LPO: variants seen among roughly 807,000 people sequenced by gnomAD.
LPO encodes lactoperoxidase.
LPO carries 70 observed loss-of-function variants against 68.4 expected under a neutral mutation model. That is an observed-to-expected ratio of 1.02 (90% CI 0.84 to 1.25). The LOEUF (loss-of-function observed/expected upper bound fraction) is 1.25, where lower values mean the gene tolerates loss of function less well. Ranked by LOEUF, LPO falls within the 50% of genes most tolerant of loss-of-function variation. LPO has a pLI of 0.00. For synonymous variants in LPO, 360 were observed against 357.6 expected, an observed-to-expected ratio of 1.01 and a Z score of -0.08; for missense variants, 873 against 908.4, an observed-to-expected ratio of 0.96 and a Z score of 0.50.
intron 9 of LPO, among the ~76,000 whole-genome samples, chr17:58,256,109 C>T (rs9894824): frequency 2.0e-5 from 3 of 152,078 alleles, no homozygotes; most frequent in African/African-American, 4.8e-5. Context: ...AACATGTATC[C>T]GAGATGGGCT....
At position 58,249,196 on chromosome 17, in the gene LPO, TG is replaced by T; in HGVS notation, c.443+24del. 6.3e-7 allele frequency: 1 copy of T among 1,597,100 alleles called. No individual in the cohort carries two copies. Among genetic ancestry groups the T allele is most frequent in the Non-Finnish European group, 8.6e-7 (1 of 1,167,524 alleles). On this transcript the variant is annotated intron_variant, in intron 5 of 12. Coordinates refer to ENST00000262290, the MANE Select transcript of LPO (RefSeq NM_006151.3). ...ATAACAGGTGGCGGGGCTTGGGGTG[TG>T]GGGGCCGACCATTCCAGCCACTCCG...
chr17:58,242,317 G>A (rs1969773386), intron 1 of LPO, among the ~76,000 whole-genome samples: 1 of 152,230 alleles, frequency 6.6e-6, no homozygotes, highest in South Asian at 2.1e-4. Flanking sequence ...GGGCACAGCT[G>A]TGGGCTCAGG....
rs1567820220 is a variant in LPO at position 58,254,851 on chromosome 17, C to T, written c.1146C>T (p.Ser382=). ...RASEHILLAT[S]HTLFLREHNR... Reference sequence around the variant, plus strand: ...CAGAGCATATTCTGCTGGCCACATCCCACACCCTCTTTCTCCGCGAGCATA... The same window carrying T: ...CAGAGCATATTCTGCTGGCCACATCTCACACCCTCTTTCTCCGCGAGCATA... The change falls in exon 9 of 13, where the codon TCC becomes TCT. Residue 382 remains serine, a synonymous_variant. Coordinates refer to ENST00000262290, the MANE Select transcript of LPO (RefSeq NM_006151.3). 2.5e-6 allele frequency: 4 copies of T among 1,613,946 alleles called. No individual in the cohort carries two copies. The highest frequency in any genetic ancestry group is 3.4e-6 in the Non-Finnish European group (4 of 1,180,008).
chr17:58,252,602 G>T, intron 8 of LPO, 96 bp downstream of exon 8: 2 of 1,226,216 alleles, frequency 1.6e-6, no homozygotes, highest in East Asian at 5.1e-5. Flanking sequence ...CTGGAAAAAT[G>T]CACACTGAGC....
intron 1 of LPO, among the ~76,000 whole-genome samples, chr17:58,240,359 T>C (rs192761759): frequency 6.6e-6 from 1 of 152,294 alleles, no homozygotes; most frequent in Admixed American, 6.5e-5. Context: ...GGGAAATGGT[T>C]TCTGCACTCA....
chr17:58,267,428 G>C lies in LPO; in HGVS notation c.1773G>C (p.Lys591Asn). The C allele has an allele frequency of 6.2e-7, 1 of 1,614,260 alleles. No individual in the cohort carries two copies. Among genetic ancestry groups the C allele is most frequent in the Non-Finnish European group, 8.5e-7 (1 of 1,180,044 alleles). ...AGTTGAACACAGTGCTGAAGAGCAA[G>C]ATGCTGGCCAAGAAGTTACTGGGTC... is the stretch of plus-strand genomic sequence containing the variant. ...LEELNTVLKS[K>N]MLAKKLLGLY... The change falls in exon 12 of 13, where the codon AAG becomes AAC. Residue 591 changes from lysine to asparagine, a missense_variant. Physicochemically the swap from Lys to Asn is moderately conservative, Grantham distance 94. Transcript: ENST00000262290.
intron 9 of LPO, 121 bp downstream of exon 9, chr17:58,255,092 C>G: frequency 1.1e-6 from 1 of 949,412 alleles, no homozygotes; most frequent in Non-Finnish European, 1.6e-6. Flanking sequence ...TTTCCCCCGG[C>G]CCCTCTGCTG....
rs1054914962 is a variant in LPO at position 58,266,147 on chromosome 17, T to G, written c.1520-6T>G. The G allele has an allele frequency of 6.2e-7, 1 of 1,613,594 alleles. No individual in the cohort carries two copies. The highest frequency in any genetic ancestry group is 1.7e-5 in the Admixed American group (1 of 59,974). On this transcript the variant is annotated splice_polypyrimidine_tract_variant and splice_region_variant and intron_variant, in intron 10 of 12. Coordinates refer to ENST00000262290, the MANE Select transcript of LPO (RefSeq NM_006151.3). ...CTAAGCATGGCTTCTGGGTCTCCCT[T>G]GGCAGGTGGAATTGATCCTCTGGTG...
At chr17:58,266,381 C>A (rs375455246) in intron 11 of LPO, 55 bp downstream of exon 11, 7 of 1,536,328 alleles carry the variant, frequency 4.6e-6, no homozygotes, top group East Asian at 2.3e-5. Context: ...CTTTCTAGGG[C>A]TCCTGGAGAC....
chr17:58,241,972 G>T (rs922498199), intron 1 of LPO, among the ~76,000 whole-genome samples: 1 of 152,136 alleles, frequency 6.6e-6, no homozygotes, highest in Admixed American at 6.5e-5. Flanking sequence ...AGACATGGCT[G>T]GGGGGCAACC....
At position 58,249,388 on chromosome 17, in the gene LPO, G is replaced by C. The variant is rs1218028696; in HGVS notation, c.444-178G>C. 6.6e-6 allele frequency: 7 copies of C among 1,055,622 alleles called. No homozygotes were observed. The Admixed American group carries it at 1.2e-4, about 18-fold the overall frequency. The allele number at this position is 1,055,622 out of a possible 1,614,324, so 65.4% of individuals were successfully genotyped here. A position where few individuals can be genotyped will look rare whatever the true frequency, so the allele number is the denominator to read the frequency against. ...TCTCTGGAAGCGGCACCTTTCCCCG[G>C]GGCGGGGGAGCCCCGCGCCTTCAGG... On this transcript the variant is annotated intron_variant, in intron 5 of 12. Transcript: ENST00000262290.
At chr17:58,267,734 T>G in intron 12 of LPO, 53 bp from the exon 13 acceptor site, 1 of 1,541,146 alleles carries the variant, frequency 6.5e-7, no homozygotes, top group African/African-American at 1.4e-5. Context: ...TGTGACAGAG[T>G]GGGGAGGGGC....
At chr17:58,259,357 T>C (rs1380162199) in intron 9 of LPO, among the ~76,000 whole-genome samples, 3 of 152,190 alleles carry the variant, frequency 2.0e-5, no homozygotes, top group African/African-American at 7.2e-5. Flanking sequence ...CTATTGTTTC[T>C]CCATTGAATT....
At chr17:58,256,394 T>C (rs1970069985) in intron 9 of LPO, among the ~76,000 whole-genome samples, 1 of 151,118 alleles carries the variant, frequency 6.6e-6, no homozygotes, top group South Asian at 2.1e-4. Context: ...ACATGGTAAG[T>C]CCATTTTTAG....
intron 2 of LPO, chr17:58,243,264 T>G: frequency 1.8e-6 from 1 of 547,796 alleles, no homozygotes; most frequent in Non-Finnish European, 3.3e-6. Context: ...GTATCCTTGG[T>G]GTTCCCTGGC....
chr17:58,253,984 T>TGG (rs1472791495), intron 8 of LPO, among the ~76,000 whole-genome samples: 1 of 152,014 alleles, frequency 6.6e-6, no homozygotes, highest in Non-Finnish European at 1.5e-5. Flanking sequence ...TGGTGGCACA[T>TGG]GCCTGTAGTC....
intron 3 of LPO, among the ~76,000 whole-genome samples, chr17:58,244,959 A>G (rs1355741200): frequency 6.6e-6 from 1 of 151,824 alleles, no homozygotes; most frequent in Non-Finnish European, 1.5e-5. Context: ...AGACATTGAG[A>G]AAAAAAGTAA....
Position 58,254,880 on chromosome 17 carries a change from G to A in LPO, c.1175G>A (p.Arg392Gln), listed in dbSNP as rs1295581518. ...ACCCTCTTTCTCCGCGAGCATAACCGGCTGGCCAGAGAACTAAAGAGACTC... is the reference window on the plus strand; with the variant it reads ...ACCCTCTTTCTCCGCGAGCATAACCAGCTGGCCAGAGAACTAAAGAGACTC... ...SHTLFLREHN[R>Q]LARELKRLNP... The change falls in exon 9 of 13, where the codon CGG becomes CAG. Residue 392 changes from arginine to glutamine, a missense_variant. Arg to Gln is a conservative substitution (Grantham distance 43, BLOSUM62 1). Transcript: ENST00000262290. The A allele has an allele frequency of 3.1e-6, 5 of 1,613,970 alleles. No individual in the cohort carries two copies. Among genetic ancestry groups the A allele is most frequent in the Admixed American group, 1.7e-5 (1 of 59,988 alleles).
chr17:58,264,951 A>G lies in LPO; in HGVS notation c.1496A>G (p.Asn499Ser), dbSNP rs779374301. 3 of 1,614,190 alleles carry G rather than the reference A, an allele frequency of 1.9e-6. No homozygotes were observed. The highest frequency in any genetic ancestry group is 1.3e-5 in the African/African-American group (1 of 75,048). The change falls in exon 10 of 13, where the codon AAC (asparagine) becomes AGC (serine). Residue 499 changes from asparagine to serine, a missense_variant. Transcript: ENST00000262290. ...PELPLHTLFF[N>S]TWRMVKDGGI... ...CTCCCCCTCCACACCCTCTTCTTCA[A>G]CACTTGGAGGATGGTCAAAGATGGT...
Sources: gnomAD v4.1 joint callset for allele counts (sites outside exome capture counted in the v4.1 genomes callset) on GRCh38, gnomAD v4.1.1 for gene constraint, MANE v1.5 for transcripts, NCBI Gene and HGNC (gene_info 2026-07-23, HGNC 2026-07-21) for gene names.